TECPR2: variants seen among roughly 807,000 people sequenced by gnomAD.
TECPR2 encodes the protein tectonin beta-propeller repeat containing 2.
Under a neutral mutation model 138.1 loss-of-function variants are expected in TECPR2, and 65 were observed. The observed-to-expected ratio is 0.47, with a 90% CI of 0.39 to 0.58. The LOEUF (loss-of-function observed/expected upper bound fraction) is 0.58, where lower values mean the gene tolerates loss of function less well. TECPR2 is among the 20% of genes least tolerant of loss of function. TECPR2 has a pLI of 0.00. For missense variants in TECPR2, 1,553 were observed against 1,824.5 expected (o/e 0.85, Z 2.71); for synonymous variants, 746 against 749.8 (o/e 0.99, Z 0.08).
chr14:102,463,416 C>CAAA (rs550694466), intron 16 of TECPR2, among the ~76,000 whole-genome samples: 18 of 38,422 alleles, frequency 4.7e-4, no homozygotes, highest in South Asian at 9.5e-4. Flanking sequence ...GACTCCGTCT[C>CAAA]AAAAAAAAAA....
chr14:102,376,594 A>G (rs373115461), intron 1 of TECPR2, 56 bp from the exon 2 acceptor site: 1 of 804,806 alleles, frequency 1.2e-6, no homozygotes, highest in Non-Finnish European at 2.0e-6. Context: ...AGTATTAAAC[A>G]TACTTCTTTT....
chr14:102,397,287 A>G (rs893946591), intron 2 of TECPR2, among the ~76,000 whole-genome samples: 1 of 152,208 alleles, frequency 6.6e-6, no homozygotes, highest in Admixed American at 6.5e-5. Context: ...CCACAGTATT[A>G]GATTCAAATG....
chr14:102,417,885 C>G (rs1296357365), intron 5 of TECPR2, among the ~76,000 whole-genome samples: 2 of 145,526 alleles, frequency 1.4e-5, no homozygotes, highest in Non-Finnish European at 3.0e-5. Context: ...GAGGCTGGCA[C>G]GGGAGTCCAG....
At chr14:102,483,797 T>TTTTC (rs1890951390) in intron 17 of TECPR2, among the ~76,000 whole-genome samples, 1 of 140,878 alleles carries the variant, frequency 7.1e-6, no homozygotes, top group African/African-American at 2.9e-5. Flanking sequence ...TTTTCTTTTT[T>TTTTC]TTTTTTTTTT....
At chr14:102,391,167 C>T (rs989503300) in intron 2 of TECPR2, among the ~76,000 whole-genome samples, 16 of 152,302 alleles carry the variant, frequency 1.1e-4, no homozygotes, top group African/African-American at 3.1e-4. Flanking sequence ...AAGAGATTCT[C>T]TTGCCTCAGC....
chr14:102,445,966 G>A lies in TECPR2; in HGVS notation c.3075+19G>A, dbSNP rs751111335. ...GTGGCAAGTAGGTGTTCAGCTCTGC[G>A]CCACGTGCCGAGGTCTCCCGACCTT... On this transcript the variant is annotated intron_variant, in intron 13 of 19. Transcript: ENST00000359520. 39 of 1,604,706 alleles carry A rather than the reference G, an allele frequency of 2.4e-5. No homozygotes were observed. Among genetic ancestry groups the A allele is most frequent in the Non-Finnish European group, 3.2e-5 (37 of 1,173,748 alleles).
chr14:102,442,472 G>A (rs1889861344), intron 11 of TECPR2, among the ~76,000 whole-genome samples: 1 of 152,210 alleles, frequency 6.6e-6, no homozygotes, highest in African/African-American at 2.4e-5. Flanking sequence ...AAGTAGCTCT[G>A]TCAAGGCACA....
Position 102,450,469 on chromosome 14 carries a change from T to G in TECPR2, c.3317-91T>G. On this transcript the variant is annotated intron_variant, in intron 14 of 19. Coordinates refer to ENST00000359520, the MANE Select transcript of TECPR2 (RefSeq NM_014844.5). Reference sequence around the variant, plus strand: ...TCTAGAATTATCTGGAGAAAGGGTTTGAAGGCCAGCTGTCGTCCAGAACTA... The same window carrying G: ...TCTAGAATTATCTGGAGAAAGGGTTGGAAGGCCAGCTGTCGTCCAGAACTA... 6 of 1,273,116 alleles carry G rather than the reference T, an allele frequency of 4.7e-6. No individual in the cohort carries two copies. In the Admixed American group the frequency reaches 1.2e-4, roughly 25 times the overall value. 78.9% of individuals were successfully genotyped at this position (1,273,116 alleles called of 1,614,324 possible).
At chr14:102,386,068 G>A (rs1163528396) in intron 2 of TECPR2, among the ~76,000 whole-genome samples, 1 of 152,026 alleles carries the variant, frequency 6.6e-6, no homozygotes, top group African/African-American at 2.4e-5. Flanking sequence ...TTTTGCTGGG[G>A]CCAAAATCCA....
In TECPR2 at chr14:102,415,203, C is replaced by G. The variant is rs1295799561; in HGVS notation, c.638+410C>G. On this transcript the variant is annotated intron_variant, in intron 5 of 19. Coordinates refer to ENST00000359520, the MANE Select transcript of TECPR2 (RefSeq NM_014844.5). This position sits in a 1 kb window ranked among gnomAD's most constrained non-coding sequence, Gnocchi z 4.3. The stretch of plus-strand genomic sequence containing the variant: ...GCACCCCTGTGCACTGTGGCAGGCT[C>G]AGCAGTGACATGGTAAACACGGCAG... Among the ~76,000 whole-genome samples the G allele has an allele frequency of 6.6e-6, 1 of 152,224 alleles. No homozygotes were observed. Among genetic ancestry groups the G allele is most frequent in the Admixed American group, 6.5e-5 (1 of 15,284 alleles).
At chr14:102,482,642 C>G (rs566795157) in intron 17 of TECPR2, among the ~76,000 whole-genome samples, 44 of 152,226 alleles carry the variant, frequency 2.9e-4, no homozygotes, top group African/African-American at 9.9e-4. Flanking sequence ...ATCTTCCAGT[C>G]GGTTCCCAAG....
Position 102,363,005 on chromosome 14 carries a change from T to G in TECPR2, c.-184T>G. On this transcript the variant is annotated 5_prime_UTR_variant, in exon 1 of 20. Coordinates refer to ENST00000359520, the MANE Select transcript of TECPR2 (RefSeq NM_014844.5). The stretch of plus-strand genomic sequence containing the variant: ...TGCTGCTCTTCGGTGCTGGCCCCGG[T>G]GCCGGCCCCGTTGCCCAGGGAACAG... 1 of 1,011,848 alleles carries G rather than the reference T, an allele frequency of 9.9e-7. No individual in the cohort carries two copies. Among genetic ancestry groups the G allele is most frequent in the African/African-American group, 1.6e-5 (1 of 61,938 alleles). The allele number at this position is 1,011,848 out of a possible 1,614,324, so 62.7% of individuals were successfully genotyped here. A position where few individuals can be genotyped will look rare whatever the true frequency, so the allele number is the denominator to read the frequency against.
intron 1 of TECPR2, among the ~76,000 whole-genome samples, chr14:102,370,115 A>G (rs918031700): frequency 6.6e-6 from 1 of 151,580 alleles, no homozygotes; most frequent in African/African-American, 2.4e-5. Context: ...CTTGTTGCCC[A>G]GGCTGGAGTG....
intron 17 of TECPR2, among the ~76,000 whole-genome samples, chr14:102,490,650 G>A (rs1411002485): frequency 6.6e-6 from 1 of 152,206 alleles, no homozygotes; most frequent in African/African-American, 2.4e-5. Context: ...AAAAGGTCCA[G>A]ACTCAGGCAG....
At position 102,449,504 on chromosome 14, in the gene TECPR2, T is replaced by C. The variant is rs184966965; in HGVS notation, c.3076-125T>C. On this transcript the variant is annotated intron_variant, in intron 13 of 19. Coordinates refer to ENST00000359520, the MANE Select transcript of TECPR2 (RefSeq NM_014844.5). The stretch of plus-strand genomic sequence containing the variant: ...AAGCGCACACGTGCACATTTGTGTT[T>C]GGATGGTCATCTTGTTACTAGAAAT... 102 of 1,453,158 alleles carry C rather than the reference T, an allele frequency of 7.0e-5. No individual in the cohort carries two copies. In the East Asian group the frequency reaches 2.0e-3, roughly 29 times the overall value. The allele number at this position is 1,453,158 out of a possible 1,614,324, so 90.0% of individuals were successfully genotyped here.
At chr14:102,437,429 C>A (rs1477413735) in intron 9 of TECPR2, among the ~76,000 whole-genome samples, 2 of 152,122 alleles carry the variant, frequency 1.3e-5, no homozygotes, top group African/African-American at 4.8e-5. Flanking sequence ...TGCCTGTAAT[C>A]CCAAGTACTC....
Position 102,445,910 on chromosome 14 carries a change from C to T in TECPR2, c.3038C>T (p.Ser1013Phe), listed in dbSNP as rs771178150. The T allele has an allele frequency of 6.2e-7, 1 of 1,613,976 alleles. No homozygotes were observed. The highest frequency in any genetic ancestry group is 8.5e-7 in the Non-Finnish European group (1 of 1,180,016). The change falls in exon 13 of 20, where the codon TCC becomes TTC. Residue 1013 changes from serine to phenylalanine, a missense_variant. Physicochemically the swap from Ser to Phe is radical, Grantham distance 155. Coordinates refer to ENST00000359520, the MANE Select transcript of TECPR2 (RefSeq NM_014844.5). ...GNLWFRTGIISKKPQGDDDHW... is the reference protein window; with the variant it reads ...GNLWFRTGIIFKKPQGDDDHW... Reference sequence around the variant, plus strand: ...CTGTGGTTCAGAACTGGCATTATTTCCAAGAAGCCCCAAGGAGATGACGAC... The same window carrying T: ...CTGTGGTTCAGAACTGGCATTATTTTCAAGAAGCCCCAAGGAGATGACGAC...
intron 2 of TECPR2, among the ~76,000 whole-genome samples, chr14:102,404,449 CAG>C (rs969845772): frequency 6.6e-6 from 1 of 152,064 alleles, no homozygotes; most frequent in Non-Finnish European, 1.5e-5. Context: ...GTCATTGAAA[CAG>C]TGTATTGGAC....
intron 2 of TECPR2, among the ~76,000 whole-genome samples, chr14:102,382,108 A>G (rs1376940799): frequency 2.0e-5 from 3 of 152,176 alleles, no homozygotes; most frequent in Non-Finnish European, 4.4e-5. Context: ...CCAGGCTAAC[A>G]TGGTGAAACC....
Sources: allele counts gnomAD v4.1 joint callset (sites outside exome capture counted in the v4.1 genomes callset), GRCh38; gene constraint gnomAD v4.1.1; non-coding constraint Gnocchi (gnomAD v3.1); transcripts MANE v1.5; gene names NCBI Gene and HGNC (gene_info 2026-07-23, HGNC 2026-07-21).